Variants in TRIM14 observed in about 807,000 individuals in gnomAD.
The protein encoded by TRIM14 is tripartite motif containing 14.
Under a neutral mutation model 44.5 loss-of-function variants are expected in TRIM14, and 28 were observed. The ratio of observed to expected loss-of-function variants is 0.63; its 90% CI spans 0.47 to 0.86. TRIM14 has a LOEUF of 0.86. Among genes scored for constraint, TRIM14 ranks in the 40% least tolerant of loss-of-function variants. TRIM14 has a pLI of 0.00. For synonymous variants in TRIM14, 299 were observed against 269.2 expected (o/e 1.11, Z -1.08); for missense variants, 607 against 611.1 (o/e 0.99, Z 0.07).
chr9:98,105,726 C>T lies in TRIM14; in HGVS notation c.303+4163G>A, dbSNP rs187685388. Among the ~76,000 whole-genome samples, 1,314 of 152,256 alleles carry T rather than the reference C, an allele frequency of 8.6e-3. 8 individuals carry two copies. The highest frequency in any genetic ancestry group is 0.014 in the Non-Finnish European group (938 of 68,020). On this transcript the variant is annotated intron_variant, in intron 2 of 5. Transcript: ENST00000341469. ...GGAGCCAGAGGTGCATGCATGCAGACGAAAGCCACAATGGGGCCTGGCCAT... is the reference window on the plus strand; with the variant it reads ...GGAGCCAGAGGTGCATGCATGCAGATGAAAGCCACAATGGGGCCTGGCCAT...
At chr9:98,093,310 C>A (rs1826065828) in intron 4 of TRIM14, among the ~76,000 whole-genome samples, 1 of 152,166 alleles carries the variant, frequency 6.6e-6, no homozygotes, top group South Asian at 2.1e-4. Context: ...TCTAGAATAC[C>A]TCCCCCAGAC....
the TRIM14 span, chr9:98,056,856 A>G: frequency 6.2e-7 from 1 of 1,612,318 alleles, no homozygotes; most frequent in Non-Finnish European, 8.5e-7. Context: ...TGGGCGGGCA[A>G]CACCCGTGCT....
intron 6 of TRIM14, chr9:98,076,784 T>C (rs893486829): frequency 1.7e-5 from 11 of 664,040 alleles, no homozygotes; most frequent in Middle Eastern, 4.9e-4. Context: ...AATCTTTGCC[T>C]GCTTTCAAGT....
At position 98,087,763 on chromosome 9, in the gene TRIM14, G is replaced by A. The variant is rs767865620; in HGVS notation, c.1036C>T (p.Arg346Cys). The A allele has an allele frequency of 1.2e-5, 18 of 1,533,106 alleles. No individual in the cohort carries two copies. The highest frequency in any genetic ancestry group is 1.6e-5 in the Non-Finnish European group (18 of 1,150,424). 95.0% of individuals were successfully genotyped at this position (1,533,106 alleles called of 1,614,324 possible). A position where few individuals can be genotyped will look rare whatever the true frequency, so the allele number is the denominator to read the frequency against. Residue 346 changes from arginine to cysteine, a missense_variant, in exon 6 of 6, where the codon CGC (arginine) becomes TGC (cysteine). Arg to Cys is a radical substitution (Grantham distance 180, BLOSUM62 -3). This residue lies in a region of TRIM14 where 356 missense variants were observed against 323.0 expected (regional missense o/e 1.10). Coordinates refer to ENST00000341469, the MANE Select transcript of TRIM14 (RefSeq NM_014788.4). ...WVGAAYASLR[R>C]RGASAAARLG... is the part of the protein sequence containing the mutation. ...CGGGCGGCGGCCGAGGCCCCGCGGCGCCGAAGGGAGGCGTAGGCCGCGCCC... is the reference window on the plus strand; with the variant it reads ...CGGGCGGCGGCCGAGGCCCCGCGGCACCGAAGGGAGGCGTAGGCCGCGCCC...
chr9:98,053,824 A>AATAAATAAATAAATAG, the TRIM14 span, among the ~76,000 whole-genome samples: 1 of 151,966 alleles, frequency 6.6e-6, no homozygotes. Context: ...TAAATAAATA[A>AATAAATAAATAAATAG]ATAAATAAAT....
chr9:98,078,438 A>G, intron 6 of TRIM14: 4 of 1,445,412 alleles, frequency 2.8e-6, no homozygotes, highest in South Asian at 1.3e-5. Context: ...CAAACATGGC[A>G]TACTTTATAA....
chr9:98,082,923 G>A, downstream of TRIM14: 1 of 1,614,208 alleles, frequency 6.2e-7, no homozygotes, highest in East Asian at 2.2e-5. Flanking sequence ...CCGTGAAGGT[G>A]GGTGAGCCCA....
chr9:98,080,965 G>A (rs761794233), downstream of TRIM14: 6 of 1,614,142 alleles, frequency 3.7e-6, no homozygotes, highest in South Asian at 3.3e-5. Flanking sequence ...GTGACCACTC[G>A]GCCTCGCTGG....
At position 98,086,496 on chromosome 9, in the gene TRIM14, T is replaced by C. The variant is rs189331074; in HGVS notation, c.*974A>G. 2 of 152,192 alleles carry C rather than the reference T, an allele frequency of 1.3e-5. No homozygotes were observed. Among genetic ancestry groups the C allele is most frequent in the Non-Finnish European group, 2.9e-5 (2 of 68,066 alleles). 9.4% of individuals were successfully genotyped at this position (152,192 alleles called of 1,614,324 possible). On this transcript the variant is annotated 3_prime_UTR_variant, in exon 6 of 6. Transcript: ENST00000341469. Reference sequence around the variant, plus strand: ...AGGGAAGGGGCTTTCTGGGAACTTTTCAGGGTGGAGAGAGTATAGGACAAA... The same window carrying C: ...AGGGAAGGGGCTTTCTGGGAACTTTCCAGGGTGGAGAGAGTATAGGACAAA...
the TRIM14 span, chr9:98,061,065 T>A: frequency 6.6e-7 from 1 of 1,504,232 alleles, no homozygotes; most frequent in South Asian, 1.1e-5. Flanking sequence ...GCCTGGTGAC[T>A]TCCGGCTTAG....
Position 98,091,908 on chromosome 9 carries a change from C to A in TRIM14, c.793+1G>T. Reference sequence around the variant, plus strand: ...CCTATCCCCACTCCCGGGGGTCTTACATTTCAGCAATAGCGATCGCTCTGG... The same window carrying A: ...CCTATCCCCACTCCCGGGGGTCTTAAATTTCAGCAATAGCGATCGCTCTGG... On this transcript the variant is annotated splice_donor_variant, in intron 5 of 5. Coordinates refer to ENST00000341469, the MANE Select transcript of TRIM14 (RefSeq NM_014788.4). LOFTEE classifies it high-confidence loss of function. The A allele has an allele frequency of 6.3e-7, 1 of 1,590,732 alleles. No homozygotes were observed. Among genetic ancestry groups the A allele is most frequent in the Non-Finnish European group, 8.6e-7 (1 of 1,165,538 alleles).
At chr9:98,059,684 G>A in the TRIM14 span, among the ~76,000 whole-genome samples, 714 of 151,368 alleles carry the variant, frequency 4.7e-3, 4 homozygotes, top group Non-Finnish European at 8.1e-3. Context: ...CAAAGTGTTT[G>A]GATTATAGGC....
At chr9:98,077,059 AC>A (rs779938976) in intron 6 of TRIM14, 19 of 1,464,936 alleles carry the variant, frequency 1.3e-5, no homozygotes, top group Middle Eastern at 2.1e-4. Context: ...GGGAGTCCAA[AC>A]CTTCATATTT....
At chr9:98,056,822 T>G in the TRIM14 span, 1 of 1,608,638 alleles carries the variant, frequency 6.2e-7, no homozygotes, top group South Asian at 1.1e-5. Context: ...CCGCTGGAGC[T>G]GGAGCTGTGT....
At chr9:98,089,022 C>T (rs77879049) in intron 5 of TRIM14, among the ~76,000 whole-genome samples, 2,246 of 152,136 alleles carry the variant, frequency 0.015, 56 homozygotes, top group African/African-American at 0.051. Flanking sequence ...GGATTGTTTC[C>T]GTGTTGCCTA....
At chr9:98,061,626 A>G in the TRIM14 span, among the ~76,000 whole-genome samples, 1 of 147,896 alleles carries the variant, frequency 6.8e-6, no homozygotes, top group Non-Finnish European at 1.5e-5. Context: ...CTAAAATACA[A>G]AAAATTAGCT....
In TRIM14 at chr9:98,087,593, G is replaced by C; in HGVS notation, c.1206C>G (p.Leu402=). Residue 402 remains leucine, a synonymous_variant, in exon 6 of 6, where the codon CTC becomes CTG. Transcript: ENST00000341469. Reference sequence around the variant, plus strand: ...TGCCGCCCGTCACGTCGTAGAAGGCGAGGACGCCGGCCTCGTAGTCCAGGA... The same window carrying C: ...TGCCGCCCGTCACGTCGTAGAAGGCCAGGACGCCGGCCTCGTAGTCCAGGA... ...GVFLDYEAGV[L]AFYDVTGGMS... is the part of the protein sequence containing the mutation. 6.3e-7 allele frequency: 1 copy of C among 1,599,416 alleles called. No individual in the cohort carries two copies. The highest frequency in any genetic ancestry group is 8.5e-7 in the Non-Finnish European group (1 of 1,176,162).
the TRIM14 span, among the ~76,000 whole-genome samples, chr9:98,044,475 G>A: frequency 6.8e-6 from 1 of 148,062 alleles, no homozygotes; most frequent in African/African-American, 2.5e-5. Context: ...CCTGGTTCAA[G>A]CTATTCTCCT....
In TRIM14 at chr9:98,097,779, G is replaced by A. The variant is rs999687618; in HGVS notation, c.537+2152C>T. On this transcript the variant is annotated intron_variant, in intron 3 of 5. Transcript: ENST00000341469. ...AAAAAGATGACAAAGCCCTGAAACC[G>A]TTTTCTGATGTGAGAATAGCATGCT... Among the ~76,000 whole-genome samples the A allele has an allele frequency of 2.0e-5, 3 of 152,112 alleles. No individual in the cohort carries two copies. In the East Asian group the frequency reaches 5.8e-4, roughly 29 times the overall value.
Sources: allele counts gnomAD v4.1 joint callset (sites outside exome capture counted in the v4.1 genomes callset), GRCh38; gene constraint gnomAD v4.1.1; regional missense constraint gnomAD v4.1.1; transcripts MANE v1.5; gene names NCBI Gene and HGNC (gene_info 2026-07-23, HGNC 2026-07-21).